Variants in NR3C2 observed in about 807,000 individuals in gnomAD.
The protein encoded by NR3C2 is nuclear receptor subfamily 3 group C member 2, also known as mineralocorticoid receptor.
Under a neutral mutation model 86.4 loss-of-function variants are expected in NR3C2, and 15 were observed. The observed-to-expected ratio is 0.17, with a 90% confidence interval of 0.12 to 0.27. The LOEUF is 0.27. Ranked by LOEUF, NR3C2 falls within the 10% of genes least tolerant of loss-of-function variation. NR3C2 has a pLI of 1.00. For missense variants in NR3C2, 960 were observed against 1,195.6 expected (o/e 0.80, Z 2.91); for synonymous variants, 458 against 450.5 (o/e 1.02, Z -0.21).
intron 4 of NR3C2, among the ~76,000 whole-genome samples, chr4:148,167,423 G>C (rs1041413946): frequency 3.9e-5 from 6 of 152,144 alleles, no homozygotes; most frequent in Admixed American, 3.9e-4. Context: ...CTTCCCTTTA[G>C]AGCATTTTTA....
At chr4:148,236,459 T>G (rs1443376189) in intron 3 of NR3C2, among the ~76,000 whole-genome samples, 2 of 151,988 alleles carry the variant, frequency 1.3e-5, no homozygotes. Flanking sequence ...TCACTTTGGA[T>G]GCATAACACT....
At chr4:148,198,591 G>T (rs933905092) in intron 3 of NR3C2, among the ~76,000 whole-genome samples, 11 of 152,078 alleles carry the variant, frequency 7.2e-5, no homozygotes, top group South Asian at 6.3e-4. Context: ...TCTAGCATTG[G>T]TATCTTGATC....
In NR3C2 at chr4:148,154,821, G is replaced by T. The variant is rs1328994432; in HGVS notation, c.2095C>A (p.Pro699Thr). ...PQQQQPPPPP[P>T]PPQSPEEGTT... ...CCTTCCTCTGGGCTTTGCGGGGGTG[G>T]GGGTGGGGGTGGGGGCTGCTGCTGC... is the stretch of plus-strand genomic sequence containing the variant. The change falls in exon 5 of 9, where the codon CCA becomes ACA. Residue 699 changes from proline to threonine, a missense_variant. Coordinates refer to ENST00000358102, the MANE Select transcript of NR3C2 (RefSeq NM_000901.5). 2 of 1,589,812 alleles carry T rather than the reference G, an allele frequency of 1.3e-6. No homozygotes were observed. The highest frequency in any genetic ancestry group is 8.6e-7 in the Non-Finnish European group (1 of 1,168,258).
chr4:148,287,153 T>A (rs185126624), intron 2 of NR3C2, among the ~76,000 whole-genome samples: 8 of 152,228 alleles, frequency 5.3e-5, no homozygotes, highest in African/African-American at 1.9e-4. Flanking sequence ...GAAACCACTT[T>A]TTTTCTCTAC....
intron 2 of NR3C2, among the ~76,000 whole-genome samples, chr4:148,330,165 G>A (rs950190640): frequency 3.3e-5 from 5 of 152,094 alleles, no homozygotes; most frequent in East Asian, 1.9e-4. Context: ...TTAACACCTC[G>A]ACACTGTTTT....
chr4:148,244,547 A>G lies in NR3C2; in HGVS notation c.1897+15431T>C, dbSNP rs1420356777. On this transcript the variant is annotated intron_variant, in intron 3 of 8. Coordinates refer to ENST00000358102, the MANE Select transcript of NR3C2 (RefSeq NM_000901.5). Reference sequence around the variant, plus strand: ...GTTTACTAGTATGACCACATGCATAAATACGACTGTGCATAAGGAAAGGGA... The same window carrying G: ...GTTTACTAGTATGACCACATGCATAGATACGACTGTGCATAAGGAAAGGGA... Among the ~76,000 whole-genome samples, 3 of 152,316 alleles carry G rather than the reference A, an allele frequency of 2.0e-5. No homozygotes were observed. In the East Asian group the frequency reaches 5.8e-4, roughly 29 times the overall value.
At chr4:148,084,813 A>T (rs912302360) in intron 8 of NR3C2, among the ~76,000 whole-genome samples, 1 of 152,222 alleles carries the variant, frequency 6.6e-6, no homozygotes, top group Non-Finnish European at 1.5e-5. Flanking sequence ...AAAGGGATGG[A>T]GGAAGATTTA....
At chr4:148,315,757 C>A (rs1048244504) in intron 2 of NR3C2, among the ~76,000 whole-genome samples, 1 of 152,052 alleles carries the variant, frequency 6.6e-6, no homozygotes, top group East Asian at 1.9e-4. Flanking sequence ...CCTTTAGGGG[C>A]CTTATATGAA....
At chr4:148,174,067 A>T (rs1042583681) in intron 4 of NR3C2, among the ~76,000 whole-genome samples, 5 of 152,214 alleles carry the variant, frequency 3.3e-5, no homozygotes, top group South Asian at 2.1e-4. Context: ...TTCGTTTTGA[A>T]TTTCAAGCAA....
At chr4:148,360,291 T>C (rs1284166969) in intron 2 of NR3C2, among the ~76,000 whole-genome samples, 2 of 152,198 alleles carry the variant, frequency 1.3e-5, no homozygotes, top group African/African-American at 4.8e-5. Context: ...GCTGTACACA[T>C]GTTCTTTGTC....
At chr4:148,390,089 A>G (rs1747463920) in intron 2 of NR3C2, among the ~76,000 whole-genome samples, 1 of 151,900 alleles carries the variant, frequency 6.6e-6, no homozygotes, top group African/African-American at 2.4e-5. Flanking sequence ...CAAGGAGGGA[A>G]GGAAATATGA....
intron 8 of NR3C2, among the ~76,000 whole-genome samples, chr4:148,096,745 T>A (rs1169934089): frequency 2.6e-5 from 4 of 152,222 alleles, no homozygotes; most frequent in Admixed American, 1.3e-4. Context: ...GTTATGAAAT[T>A]GTTTAGAATG....
At chr4:148,323,473 C>T (rs1205127645) in intron 2 of NR3C2, among the ~76,000 whole-genome samples, 1 of 144,966 alleles carries the variant, frequency 6.9e-6, no homozygotes, top group Non-Finnish European at 1.5e-5. Flanking sequence ...CGCCCCTCCC[C>T]CAGCCTGGCT....
At chr4:148,187,038 A>G (rs1735956093) in intron 4 of NR3C2, among the ~76,000 whole-genome samples, 1 of 135,962 alleles carries the variant, frequency 7.4e-6, no homozygotes, top group African/African-American at 2.7e-5. Flanking sequence ...ATATATATAT[A>G]TATATAAAGA....
chr4:148,196,715 A>G (rs930029954), intron 3 of NR3C2, among the ~76,000 whole-genome samples: 1 of 152,226 alleles, frequency 6.6e-6, no homozygotes, highest in African/African-American at 2.4e-5. Flanking sequence ...ATAACAATAA[A>G]ACAATAGTAA....
At chr4:148,107,369 G>A (rs946697385) in intron 8 of NR3C2, among the ~76,000 whole-genome samples, 3 of 152,214 alleles carry the variant, frequency 2.0e-5, no homozygotes, top group East Asian at 1.9e-4. Flanking sequence ...AGGCTGTGGA[G>A]AAATAGGAAT....
At chr4:148,115,084 T>G (rs928316517) in intron 7 of NR3C2, among the ~76,000 whole-genome samples, 1 of 152,218 alleles carries the variant, frequency 6.6e-6, no homozygotes, top group Non-Finnish European at 1.5e-5. Flanking sequence ...AGGCAAAATT[T>G]AAAACTTTCA....
intron 2 of NR3C2, among the ~76,000 whole-genome samples, chr4:148,375,657 G>A (rs1333359190): frequency 6.6e-6 from 1 of 151,716 alleles, no homozygotes; most frequent in Non-Finnish European, 1.5e-5. Flanking sequence ...ATTTTAATAC[G>A]CATAGCAAAT....
intron 2 of NR3C2, among the ~76,000 whole-genome samples, chr4:148,357,432 T>C (rs923299939): frequency 6.6e-6 from 1 of 152,190 alleles, no homozygotes; most frequent in African/African-American, 2.4e-5. Flanking sequence ...GGTATATCTC[T>C]CAATATAAAT....
Sources: gnomAD v4.1 joint callset for allele counts (sites outside exome capture counted in the v4.1 genomes callset) on GRCh38, gnomAD v4.1.1 for gene constraint, MANE v1.5 for transcripts, NCBI Gene and HGNC (gene_info 2026-07-23, HGNC 2026-07-21) for gene names.